Variants in LYZ observed in about 807,000 individuals in gnomAD.
LYZ encodes the protein lysozyme C.
In LYZ, 18 loss-of-function variants were observed where a neutral mutation model predicts 15.8. The ratio of observed to expected loss-of-function variants is 1.14; its 90% CI spans 0.79 to 1.69. The LOEUF is 1.69. Among genes scored for constraint, LYZ ranks in the 40% most tolerant of loss-of-function variants. The pLI is 0.00. For synonymous variants in LYZ, 60 were observed against 61.7 expected, an observed-to-expected ratio of 0.97 and a Z score of 0.13; for missense variants, 139 against 182.8, an observed-to-expected ratio of 0.76 and a Z score of 1.38.
rs1019445278 is a variant in LYZ at position 69,353,671 on chromosome 12, G to A, written c.*452G>A. ...GCCCGGCTAATTTTTTGTATTTTTA[G>A]TAGAGACAGGGTTTCACCGTGTTAG... On this transcript the variant is annotated 3_prime_UTR_variant, in exon 4 of 4. Transcript: ENST00000261267. 4.4e-6 allele frequency: 1 copy of A among 227,422 alleles called. No individual in the cohort carries two copies. The highest frequency in any genetic ancestry group is 2.4e-5 in the African/African-American group (1 of 42,360). 14.1% of individuals were successfully genotyped at this position (227,422 alleles called of 1,614,324 possible). A position where few individuals can be genotyped will look rare whatever the true frequency, so the allele number is the denominator to read the frequency against.
At position 69,350,124 on chromosome 12, in the gene LYZ, A is replaced by G; in HGVS notation, c.153A>G (p.Lys51=). ...ISLANWMCLA[K]WESGYNTRAT... ...TCTTTTCAGGGATGTGTTTGGCCAA[A>G]TGGGAGAGTGGTTACAACACACGAG... is the stretch of plus-strand genomic sequence containing the variant. The change falls in exon 2 of 4, where the codon AAA becomes AAG. Residue 51 remains lysine (K), a synonymous_variant. Transcript: ENST00000261267. 1.2e-6 allele frequency: 2 copies of G among 1,614,078 alleles called. No homozygotes were observed. Among genetic ancestry groups the G allele is most frequent in the Non-Finnish European group, 1.7e-6 (2 of 1,179,982 alleles).
In LYZ at chr12:69,353,874, G is replaced by T. The variant is rs8612; in HGVS notation, c.*655G>T. 0.1 allele frequency: 15,253 copies of T among 152,480 alleles called. 2,387 individuals carry two copies. The highest frequency in any genetic ancestry group is 0.33 in the African/African-American group (13,794 of 41,404). The allele number at this position is 152,480 out of a possible 1,614,324, so 9.4% of individuals were successfully genotyped here. A position where few individuals can be genotyped will look rare whatever the true frequency, so the allele number is the denominator to read the frequency against. On this transcript the variant is annotated 3_prime_UTR_variant, in exon 4 of 4. Coordinates refer to ENST00000261267, the MANE Select transcript of LYZ (RefSeq NM_000239.3). ...ATATTAAGTAAAAAATATAAGAAAA[G>T]GTTATCTTAAATAGATCTTAGGCAA...
chr12:69,348,622 G>C, intron 1 of LYZ, 78 bp downstream of exon 1: 1 of 1,510,938 alleles, frequency 6.6e-7, no homozygotes, highest in African/African-American at 1.4e-5. Context: ...AAGAAGAAGG[G>C]GCTTTGAGTG....
At position 69,353,353 on chromosome 12, in the gene LYZ, C is replaced by T; in HGVS notation, c.*134C>T. ...TTACAGAAGCAGGAGCAAAATATGGCCTTTCTTCTAAGAGATATAATGTTC... is the reference window on the plus strand; with the variant it reads ...TTACAGAAGCAGGAGCAAAATATGGTCTTTCTTCTAAGAGATATAATGTTC... On this transcript the variant is annotated 3_prime_UTR_variant, in exon 4 of 4. Coordinates refer to ENST00000261267, the MANE Select transcript of LYZ (RefSeq NM_000239.3). 1 of 761,042 alleles carries T rather than the reference C, an allele frequency of 1.3e-6. No individual in the cohort carries two copies. Among genetic ancestry groups the T allele is most frequent in the Admixed American group, 1.9e-5 (1 of 53,244 alleles). The allele number at this position is 761,042 out of a possible 1,614,324, so 47.1% of individuals were successfully genotyped here.
In LYZ at chr12:69,350,144, C is replaced by T; in HGVS notation, c.173C>T (p.Thr58Ile). 7 of 1,614,116 alleles carry T rather than the reference C, an allele frequency of 4.3e-6. No individual in the cohort carries two copies. The highest frequency in any genetic ancestry group is 5.1e-6 in the Non-Finnish European group (6 of 1,180,006). Residue 58 changes from threonine (T) to isoleucine (I), a missense_variant, in exon 2 of 4, where the codon ACA becomes ATA. Physicochemically the swap from Thr to Ile is moderately conservative, Grantham distance 89 (BLOSUM62 -1). Transcript: ENST00000261267. ...GCCAAATGGGAGAGTGGTTACAACA[C>T]ACGAGCTACAAACTACAATGCTGGA... ...CLAKWESGYN[T>I]RATNYNAGDR...
intron 3 of LYZ, 87 bp from the exon 4 acceptor site, chr12:69,353,066 T>C: frequency 4.5e-6 from 4 of 888,208 alleles, no homozygotes; most frequent in Non-Finnish European, 7.7e-6. Flanking sequence ...TGATAAAATA[T>C]TTTGTTTCCC....
At chr12:69,348,693 G>T in intron 1 of LYZ, 149 bp downstream of exon 1, 2 of 1,025,248 alleles carry the variant, frequency 2.0e-6, no homozygotes, top group Non-Finnish European at 2.9e-6. Context: ...CATCAGTTTG[G>T]TTCTTTATAA....
intron 1 of LYZ, among the ~76,000 whole-genome samples, 184 bp from the exon 2 acceptor site, chr12:69,349,924 A>G (rs1874803334): frequency 6.6e-6 from 1 of 152,204 alleles, no homozygotes; most frequent in Non-Finnish European, 1.5e-5. Context: ...GATGATTTGC[A>G]TTACAAAAGG....
Position 69,350,156 on chromosome 12 carries a change from A to G in LYZ, c.185A>G (p.Asn62Ser). The G allele has an allele frequency of 6.2e-7, 1 of 1,614,162 alleles. No homozygotes were observed. Residue 62 changes from asparagine to serine, a missense_variant, in exon 2 of 4, where the codon AAC (asparagine) becomes AGC (serine). Asn to Ser is a conservative substitution (Grantham distance 46). Transcript: ENST00000261267. ...AGTGGTTACAACACACGAGCTACAA[A>G]CTACAATGCTGGAGACAGAAGCACT... ...WESGYNTRATNYNAGDRSTDY... is the reference protein window; with the variant it reads ...WESGYNTRATSYNAGDRSTDY...
rs770565428 is a variant in LYZ at position 69,350,196 on chromosome 12, T to C, written c.225T>C (p.Phe75=). The C allele has an allele frequency of 4.5e-5, 73 of 1,614,036 alleles. No homozygotes were observed. The highest frequency in any genetic ancestry group is 5.8e-5 in the Non-Finnish European group (69 of 1,180,024). The change falls in exon 2 of 4, where the codon TTT becomes TTC. Residue 75 remains phenylalanine, a synonymous_variant. Transcript: ENST00000261267. ...ACAGAAGCACTGATTATGGGATATTTCAGATCAATAGCCGCTACTGGTGTA... is the reference window on the plus strand; with the variant it reads ...ACAGAAGCACTGATTATGGGATATTCCAGATCAATAGCCGCTACTGGTGTA... ...AGDRSTDYGI[F]QINSRYWCND... is the part of the protein sequence containing the mutation.
At chr12:69,349,566 A>G (rs1407679846) in intron 1 of LYZ, among the ~76,000 whole-genome samples, 1 of 152,242 alleles carries the variant, frequency 6.6e-6, no homozygotes, top group African/African-American at 2.4e-5. Flanking sequence ...TTCAGATTGA[A>G]TTCAGACATT....
Position 69,350,147 on chromosome 12 carries a change from G to C in LYZ, c.176G>C (p.Arg59Pro). ...AAATGGGAGAGTGGTTACAACACAC[G>C]AGCTACAAACTACAATGCTGGAGAC... Reference protein sequence around the residue: ...LAKWESGYNTRATNYNAGDRS... With the variant: ...LAKWESGYNTPATNYNAGDRS... Residue 59 changes from arginine to proline, a missense_variant, in exon 2 of 4, where the codon CGA (arginine) becomes CCA (proline). Arg to Pro is a moderately radical substitution (Grantham distance 103, BLOSUM62 -2). Transcript: ENST00000261267. The C allele has an allele frequency of 6.2e-7, 1 of 1,614,068 alleles. No individual in the cohort carries two copies. Among genetic ancestry groups the C allele is most frequent in the Non-Finnish European group, 8.5e-7 (1 of 1,179,992 alleles).
chr12:69,350,016 G>GT, intron 1 of LYZ, 92 bp from the exon 2 acceptor site: 2 of 1,034,818 alleles, frequency 1.9e-6, no homozygotes, highest in Non-Finnish European at 3.0e-6. Context: ...AAACAAATCA[G>GT]TAAAATAGAA....
At position 69,353,222 on chromosome 12, in the gene LYZ, C is replaced by A. The variant is rs781174522; in HGVS notation, c.*3C>A. The A allele has an allele frequency of 6.2e-7, 1 of 1,612,504 alleles. No individual in the cohort carries two copies. ...ATGTTCAAGGTTGTGGAGTGTAACTCCAGAATTTTCCTTCTTCAGCTCATT... is the reference window on the plus strand; with the variant it reads ...ATGTTCAAGGTTGTGGAGTGTAACTACAGAATTTTCCTTCTTCAGCTCATT... On this transcript the variant is annotated 3_prime_UTR_variant, in exon 4 of 4. Coordinates refer to ENST00000261267, the MANE Select transcript of LYZ (RefSeq NM_000239.3).
chr12:69,351,803 T>C (rs1874848930), intron 2 of LYZ, among the ~76,000 whole-genome samples: 1 of 152,238 alleles, frequency 6.6e-6, no homozygotes, highest in African/African-American at 2.4e-5. Flanking sequence ...ATCCAATTGT[T>C]ACTATTGAGC....
Position 69,352,274 on chromosome 12 carries a change from G to A in LYZ, c.356G>A (p.Arg119His), listed in dbSNP as rs774734206. ...DAVACAKRVVRDPQGIRAWVA... is the reference protein window; with the variant it reads ...DAVACAKRVVHDPQGIRAWVA... ...GTAGCTTGTGCAAAGAGGGTTGTCCGTGATCCACAAGGCATTAGAGCATGG... is the reference window on the plus strand; with the variant it reads ...GTAGCTTGTGCAAAGAGGGTTGTCCATGATCCACAAGGCATTAGAGCATGG... The change falls in exon 3 of 4, where the codon CGT becomes CAT. Residue 119 changes from arginine (R) to histidine (H), a missense_variant. Arg to His is a conservative substitution (Grantham distance 29). Coordinates refer to ENST00000261267, the MANE Select transcript of LYZ (RefSeq NM_000239.3). 6.8e-6 allele frequency: 11 copies of A among 1,613,634 alleles called. No individual in the cohort carries two copies. Among genetic ancestry groups the A allele is most frequent in the East Asian group, 2.2e-5 (1 of 44,868 alleles).
chr12:69,350,000 C>A, intron 1 of LYZ, 108 bp from the exon 2 acceptor site: 1 of 901,920 alleles, frequency 1.1e-6, no homozygotes, highest in Non-Finnish European at 1.8e-6. Flanking sequence ...AATCTTTATA[C>A]TTATAAAACA....
intron 1 of LYZ, 51 bp downstream of exon 1, chr12:69,348,595 A>T (rs757720885): frequency 1.2e-6 from 2 of 1,605,502 alleles, no homozygotes; most frequent in Non-Finnish European, 8.5e-7. Context: ...TGGAACAGAC[A>T]CTAGGAGAGA....
chr12:69,348,543 C>T lies in LYZ; in HGVS notation c.135C>T (p.Asn45=). ...MDGYRGISLA[N]WMCLAKWESG... ...GCTACAGGGGAATCAGCCTAGCAAA[C>T]TGTAAGTCTACTCTCCATAATTCCA... Residue 45 remains asparagine (N), a splice_region_variant and synonymous_variant, in exon 1 of 4, where the codon AAC becomes AAT. Coordinates refer to ENST00000261267, the MANE Select transcript of LYZ (RefSeq NM_000239.3). The T allele has an allele frequency of 6.2e-7, 1 of 1,614,146 alleles. No individual in the cohort carries two copies. The highest frequency in any genetic ancestry group is 1.7e-5 in the Admixed American group (1 of 60,016).
Sources: allele counts gnomAD v4.1 joint callset (sites outside exome capture counted in the v4.1 genomes callset), GRCh38; gene constraint gnomAD v4.1.1; transcripts MANE v1.5; gene names NCBI Gene and HGNC (gene_info 2026-07-23, HGNC 2026-07-21).